Variants in PDGFD observed in about 807,000 individuals in gnomAD.
The protein encoded by PDGFD is platelet derived growth factor D, also known as platelet-derived growth factor D.
Under a neutral mutation model 44.7 loss-of-function variants are expected in PDGFD, and 30 were observed. The observed-to-expected ratio is 0.67, with a 90% confidence interval of 0.50 to 0.91. PDGFD has a LOEUF of 0.91. PDGFD is among the 40% of genes least tolerant of loss of function. PDGFD has a pLI of 0.00. For missense variants in PDGFD, 445 were observed against 457.8 expected, an observed-to-expected ratio of 0.97 and a Z score of 0.25; for synonymous variants, 173 against 168.4, an observed-to-expected ratio of 1.03 and a Z score of -0.21.
Position 103,909,539 on chromosome 11 carries a change from C to T in PDGFD, c.*155G>A. 3 of 863,282 alleles carry T rather than the reference C, an allele frequency of 3.5e-6. No homozygotes were observed. Among genetic ancestry groups the T allele is most frequent in the Non-Finnish European group, 3.7e-6 (2 of 546,508 alleles). The allele number at this position is 863,282 out of a possible 1,614,324, so 53.5% of individuals were successfully genotyped here. A position where few individuals can be genotyped will look rare whatever the true frequency, so the allele number is the denominator to read the frequency against. ...TGATATACCTTTCTACTTGCCATGG[C>T]ATTAACAAAGCAAGGCTGAGACTCA... On this transcript the variant is annotated 3_prime_UTR_variant, in exon 7 of 7. Transcript: ENST00000393158.
chr11:103,948,723 G>T (rs1490389899), intron 3 of PDGFD, among the ~76,000 whole-genome samples: 2 of 152,072 alleles, frequency 1.3e-5, no homozygotes, highest in Admixed American at 1.3e-4. Flanking sequence ...TTAGTATCAG[G>T]TGTAAATTTC....
intron 1 of PDGFD, among the ~76,000 whole-genome samples, chr11:104,139,755 C>CTCGTCTGTCTGAACGAGAAAAACCAAA (rs1591183218): frequency 4.6e-5 from 4 of 86,076 alleles, no homozygotes; most frequent in East Asian, 4.4e-4. Context: ...TAATAAATAA[C>CTCGTCTGTCTGAACGAGAAAAACCAAA]GGCCGGGCGC....
chr11:104,009,010 G>T (rs1188737654), intron 1 of PDGFD, among the ~76,000 whole-genome samples: 1 of 151,980 alleles, frequency 6.6e-6, no homozygotes, highest in African/African-American at 2.4e-5. Context: ...TCACTTCTAA[G>T]AAATTCATAT....
At chr11:103,960,279 C>T (rs1039268987) in intron 3 of PDGFD, among the ~76,000 whole-genome samples, 1 of 152,172 alleles carries the variant, frequency 6.6e-6, no homozygotes, top group African/African-American at 2.4e-5. Flanking sequence ...CTCTACTGGA[C>T]TGGGAAAATT....
intron 1 of PDGFD, among the ~76,000 whole-genome samples, chr11:104,119,630 T>C (rs1240956858): frequency 4.4e-4 from 25 of 57,418 alleles, no homozygotes; most frequent in Non-Finnish European, 7.4e-4. Flanking sequence ...TGTATTATAT[T>C]AATATATAAT....
At chr11:104,029,274 T>C (rs1860090528) in intron 1 of PDGFD, among the ~76,000 whole-genome samples, 1 of 152,240 alleles carries the variant, frequency 6.6e-6, no homozygotes, top group East Asian at 1.9e-4. Context: ...CTAAATTTAA[T>C]TTTTCTGAGA....
chr11:104,129,746 C>T (rs373609127), intron 1 of PDGFD, among the ~76,000 whole-genome samples: 118 of 152,064 alleles, frequency 7.8e-4, no homozygotes, highest in African/African-American at 2.8e-3. Flanking sequence ...CAGTGGCTCA[C>T]GCCTGTAATC....
chr11:103,912,360 T>C (rs1459173064), intron 6 of PDGFD, among the ~76,000 whole-genome samples: 1 of 152,176 alleles, frequency 6.6e-6, no homozygotes, highest in Non-Finnish European at 1.5e-5. Context: ...CAACCCAGAA[T>C]TTCATATCCA....
Position 103,926,990 on chromosome 11 carries a change from T to A in PDGFD, c.909A>T (p.Gly303=), listed in dbSNP as rs1016456361. 2.5e-6 allele frequency: 4 copies of A among 1,614,076 alleles called. No individual in the cohort carries two copies. The African/African-American group carries it at 5.3e-5, about 22-fold the overall frequency. Residue 303 remains glycine (G), a synonymous_variant, in exon 6 of 7, where the codon GGA becomes GGT. Coordinates refer to ENST00000393158, the MANE Select transcript of PDGFD (RefSeq NM_025208.5). ...TGACAGTTCCACAGCCACAATTTCCTCCACAGCGCTGCACGAGGAGGCAAC... is the reference window on the plus strand; with the variant it reads ...TGACAGTTCCACAGCCACAATTTCCACCACAGCGCTGCACGAGGAGGCAAC... ...FPRCLLVQRC[G]GNCGCGTVNW... is the part of the protein sequence containing the mutation.
At chr11:104,018,348 A>T (rs1859892641) in intron 1 of PDGFD, among the ~76,000 whole-genome samples, 1 of 152,116 alleles carries the variant, frequency 6.6e-6, no homozygotes, top group South Asian at 2.1e-4. Context: ...AGAAGTTAAC[A>T]TTTTTGGACT....
intron 1 of PDGFD, among the ~76,000 whole-genome samples, chr11:104,021,025 T>TA (rs1439644959): frequency 6.6e-6 from 1 of 152,282 alleles, no homozygotes; most frequent in Non-Finnish European, 1.5e-5. Flanking sequence ...TCTTGCTCCA[T>TA]AAAAACAATT....
intron 1 of PDGFD, among the ~76,000 whole-genome samples, chr11:104,122,929 T>A (rs574784093): frequency 3.9e-5 from 6 of 152,116 alleles, no homozygotes; most frequent in African/African-American, 1.2e-4. Context: ...CCTAGACATG[T>A]AAGGACGAGG....
intron 3 of PDGFD, among the ~76,000 whole-genome samples, chr11:103,975,795 A>G (rs1034227657): frequency 6.6e-6 from 1 of 152,130 alleles, no homozygotes; most frequent in Admixed American, 6.5e-5. Context: ...GTCGAAGATC[A>G]GATTGTTGTA....
chr11:104,157,405 G>A (rs749319103), intron 1 of PDGFD, among the ~76,000 whole-genome samples: 1 of 152,126 alleles, frequency 6.6e-6, no homozygotes, highest in Admixed American at 6.5e-5. Flanking sequence ...AATGGGCCAC[G>A]TCTCTGTCTA....
chr11:104,159,148 C>T (rs979557932), intron 1 of PDGFD, among the ~76,000 whole-genome samples: 7 of 108,784 alleles, frequency 6.4e-5, no homozygotes, highest in African/African-American at 2.2e-4. Flanking sequence ...AGGCAGACTC[C>T]ATCTCAAAAA....
intron 3 of PDGFD, among the ~76,000 whole-genome samples, chr11:103,974,082 T>A (rs1313894962): frequency 6.6e-6 from 1 of 151,954 alleles, no homozygotes; most frequent in Non-Finnish European, 1.5e-5. Flanking sequence ...GAAAAGAAAT[T>A]ATGGTGGTCA....
At chr11:104,022,972 C>G (rs1038154313) in intron 1 of PDGFD, among the ~76,000 whole-genome samples, 3 of 151,870 alleles carry the variant, frequency 2.0e-5, no homozygotes, top group Non-Finnish European at 2.9e-5. Context: ...AAAATGAAAA[C>G]TATGGAAACA....
At chr11:104,084,781 AAAATAATATAAAATATATATTTTAT>A (rs1861099289) in intron 1 of PDGFD, among the ~76,000 whole-genome samples, 1 of 55,420 alleles carries the variant, frequency 1.8e-5, no homozygotes, top group Non-Finnish European at 2.9e-5. Context: ...AATTATACAT[AAAATAATATAAAATATATATTTTAT>A]AAGTATTATA....
In PDGFD at chr11:104,105,242, G is replaced by C. The variant is rs565185006; in HGVS notation, c.124+58562C>G. On this transcript the variant is annotated intron_variant, in intron 1 of 6. Coordinates refer to ENST00000393158, the MANE Select transcript of PDGFD (RefSeq NM_025208.5). Reference sequence around the variant, plus strand: ...ATTGGAATCTTCTGCTCCATTTGTAGCTGAGCAAGAAGGAGGGAAGAGCTA... The same window carrying C: ...ATTGGAATCTTCTGCTCCATTTGTACCTGAGCAAGAAGGAGGGAAGAGCTA... 1.8e-4 allele frequency among the ~76,000 whole-genome samples: 28 copies of C among 152,254 alleles called. No homozygotes were observed. In the South Asian group the frequency reaches 5.6e-3, roughly 30 times the overall value.
Sources: allele counts gnomAD v4.1 joint callset (sites outside exome capture counted in the v4.1 genomes callset), GRCh38; gene constraint gnomAD v4.1.1; transcripts MANE v1.5; gene names NCBI Gene and HGNC (gene_info 2026-07-23, HGNC 2026-07-21).